The following HACE1 variants were observed in gnomAD, a reference collection of about 807,000 sequenced individuals.
The protein encoded by HACE1 is HECT domain and ankyrin repeat containing E3 ubiquitin protein ligase 1.
A neutral mutation model predicts 118.4 loss-of-function variants in HACE1; 73 were observed. The observed-to-expected ratio is 0.62, with a 90% CI of 0.51 to 0.75. HACE1 has a LOEUF of 0.75. Ranked by LOEUF, HACE1 falls within the 30% of genes least tolerant of loss-of-function variation. HACE1 has a pLI of 0.00. For synonymous variants in HACE1, 368 were observed against 374.8 expected, an observed-to-expected ratio of 0.98 and a Z score of 0.21; for missense variants, 749 against 1,102.2, an observed-to-expected ratio of 0.68 and a Z score of 4.54.
At chr6:104,738,022 G>A (rs1230702334) in intron 22 of HACE1, among the ~76,000 whole-genome samples, 1 of 152,120 alleles carries the variant, frequency 6.6e-6, no homozygotes, top group African/African-American at 2.4e-5. Context: ...TGACCCCCGA[G>A]CAGCCTAACT....
intron 7 of HACE1, among the ~76,000 whole-genome samples, chr6:104,810,955 G>T (rs1296549769): frequency 3.3e-5 from 5 of 151,896 alleles, no homozygotes; most frequent in Admixed American, 2.6e-4. Context: ...CCAGATTACT[G>T]ATTTATCTTT....
intron 1 of HACE1, among the ~76,000 whole-genome samples, chr6:104,855,994 G>A (rs1385500941): frequency 6.6e-6 from 1 of 152,130 alleles, no homozygotes; most frequent in Non-Finnish European, 1.5e-5. Flanking sequence ...ACATTAACAG[G>A]TAAGTATGAA....
chr6:104,757,432 A>C (rs1428265908), intron 19 of HACE1, among the ~76,000 whole-genome samples: 1 of 152,210 alleles, frequency 6.6e-6, no homozygotes, highest in Admixed American at 6.5e-5. Flanking sequence ...AGCAAACTCC[A>C]ACAGACCTGC....
At chr6:104,737,273 ACT>A (rs1329618969) in intron 22 of HACE1, among the ~76,000 whole-genome samples, 1,339 of 120,572 alleles carry the variant, frequency 0.011, 62 homozygotes, top group African/African-American at 0.044. Flanking sequence ...ACAGAGTGAG[ACT>A]CTCTCTCAAA....
At chr6:104,842,686 G>A (rs554742704) in intron 5 of HACE1, among the ~76,000 whole-genome samples, 10 of 152,160 alleles carry the variant, frequency 6.6e-5, no homozygotes, top group African/African-American at 2.2e-4. Context: ...AAAGGCTAGG[G>A]GAATAAGCTT....
intron 5 of HACE1, among the ~76,000 whole-genome samples, chr6:104,841,118 C>CA (rs1165724826): frequency 0.09 from 7,315 of 81,310 alleles, 257 homozygotes; most frequent in Non-Finnish European, 0.11. Context: ...GACTCTGTCT[C>CA]AAAAAAAAAA....
Position 104,750,291 on chromosome 6 carries a change from A to G in HACE1, c.2343+50T>C, listed in dbSNP as rs777650323. 5.4e-6 allele frequency: 8 copies of G among 1,481,670 alleles called. No individual in the cohort carries two copies. The Admixed American group carries it at 6.8e-5, about 13-fold the overall frequency. 91.8% of individuals were successfully genotyped at this position (1,481,670 alleles called of 1,614,324 possible). On this transcript the variant is annotated intron_variant, in intron 20 of 23. Transcript: ENST00000262903. ...CAATTATTTCTGAATTACATCAACT[A>G]GAGTTTTTTGTTGTTGTGTTACAAC...
intron 19 of HACE1, among the ~76,000 whole-genome samples, chr6:104,754,218 G>C (rs937626895): frequency 1.3e-5 from 2 of 152,068 alleles, no homozygotes; most frequent in African/African-American, 4.8e-5. Context: ...GGAACAAAAA[G>C]GAATGAATAA....
At chr6:104,822,203 T>TAAAAAAAAAAAA (rs58454908) in intron 6 of HACE1, among the ~76,000 whole-genome samples, 2 of 102,974 alleles carry the variant, frequency 1.9e-5, no homozygotes, top group African/African-American at 4.1e-5. Context: ...CCGTCTCTAC[T>TAAAAAAAAAAAA]AAAAAAAAAA....
chr6:104,749,668 G>A (rs1777829304), intron 20 of HACE1, among the ~76,000 whole-genome samples: 1 of 151,980 alleles, frequency 6.6e-6, no homozygotes, highest in Non-Finnish European at 1.5e-5. Flanking sequence ...GCTTTATTAA[G>A]ATTTAGACAA....
At chr6:104,784,567 C>T in intron 12 of HACE1, 82 bp from the exon 13 acceptor site, 2 of 920,544 alleles carry the variant, frequency 2.2e-6, no homozygotes, top group Non-Finnish European at 3.4e-6. Context: ...ATATACTGAA[C>T]TGGACTGGCT....
chr6:104,843,326 C>T (rs1235109310), intron 4 of HACE1, 28 bp from the exon 5 acceptor site: 6 of 1,017,872 alleles, frequency 5.9e-6, no homozygotes, highest in East Asian at 2.4e-5. Context: ...TCATGGATAA[C>T]TGGTACTTAA....
At chr6:104,759,463 G>A (rs1041308636) in intron 19 of HACE1, among the ~76,000 whole-genome samples, 4 of 152,114 alleles carry the variant, frequency 2.6e-5, no homozygotes, top group Non-Finnish European at 4.4e-5. Flanking sequence ...GGTAAATAAC[G>A]AAAGTAAGTC....
chr6:104,762,961 G>A (rs1201514756), intron 19 of HACE1, among the ~76,000 whole-genome samples: 1 of 134,008 alleles, frequency 7.5e-6, no homozygotes, highest in East Asian at 2.2e-4. Flanking sequence ...CTGAACTCGA[G>A]CCTGGGCAAC....
intron 5 of HACE1, among the ~76,000 whole-genome samples, chr6:104,833,623 T>C (rs1456517759): frequency 6.6e-6 from 1 of 152,154 alleles, no homozygotes; most frequent in Non-Finnish European, 1.5e-5. Flanking sequence ...GCAAGAGGAT[T>C]GCTTGAAGCA....
rs529611696 is a variant in HACE1, at chr6:104,784,960, A to T, written c.1409+25T>A. On this transcript the variant is annotated intron_variant, in intron 12 of 23. Coordinates refer to ENST00000262903, the MANE Select transcript of HACE1 (RefSeq NM_020771.4). ...TTTCATCATCTATCAGAGAAAAAAA[A>T]AATAATAAGCCAAAACTTTCTTACC... The T allele has an allele frequency of 4.6e-5, 69 of 1,511,404 alleles. No homozygotes were observed. In the Middle Eastern group the frequency reaches 5.1e-4, roughly 11 times the overall value. The allele number at this position is 1,511,404 out of a possible 1,614,324, so 93.6% of individuals were successfully genotyped here. A position where few individuals can be genotyped will look rare whatever the true frequency, so the allele number is the denominator to read the frequency against.
rs1449421398 is a variant in HACE1, at chr6:104,737,219, G to C, written c.2514-6803C>G. ...AGGCAGGAGAATCACTTGAACCCAG[G>C]GGGCGGAGGTTGCAGATCGAGCCAC... On this transcript the variant is annotated intron_variant, in intron 22 of 23. Transcript: ENST00000262903. 3.3e-5 allele frequency among the ~76,000 whole-genome samples: 5 copies of C among 150,452 alleles called. No homozygotes were observed. The East Asian group carries it at 9.8e-4, about 29-fold the overall frequency.
At chr6:104,733,966 A>G (rs1047933832) in intron 22 of HACE1, among the ~76,000 whole-genome samples, 1 of 152,012 alleles carries the variant, frequency 6.6e-6, no homozygotes, top group Non-Finnish European at 1.5e-5. Context: ...CAGCCTGGCC[A>G]ACATGGTGAA....
intron 5 of HACE1, among the ~76,000 whole-genome samples, chr6:104,835,499 G>A (rs1211851894): frequency 1.3e-5 from 2 of 151,940 alleles, no homozygotes; most frequent in Non-Finnish European, 2.9e-5. Context: ...CTCAAAACAA[G>A]AATTAGGAGA....
Sources: allele counts gnomAD v4.1 joint callset (sites outside exome capture counted in the v4.1 genomes callset), GRCh38; gene constraint gnomAD v4.1.1; transcripts MANE v1.5; gene names NCBI Gene and HGNC (gene_info 2026-07-23, HGNC 2026-07-21).